The following FREM2 variants were observed in gnomAD, a reference collection of about 807,000 sequenced individuals.
FREM2 encodes FRAS1 related extracellular matrix 2.
In FREM2, 119 loss-of-function variants were observed where a neutral mutation model predicts 219.9. That is an observed-to-expected ratio of 0.54 (90% CI 0.47 to 0.63). The LOEUF (loss-of-function observed/expected upper bound fraction) is 0.63. FREM2 is among the 30% of genes least tolerant of loss of function. FREM2 has a pLI of 0.00. For synonymous variants in FREM2, 1,562 were observed against 1,522.8 expected, an observed-to-expected ratio of 1.03 and a Z score of -0.60; for missense variants, 4,030 against 3,993.6, an observed-to-expected ratio of 1.01 and a Z score of -0.25.
At position 38,764,382 on chromosome 13, in the gene FREM2, A is replaced by T. The variant is rs761546631; in HGVS notation, c.5342A>T (p.Asn1781Ile). The change falls in exon 3 of 24, where the codon AAT (asparagine) becomes ATT (isoleucine). Residue 1781 changes from asparagine (N) to isoleucine (I), a missense_variant. Physicochemically the swap from Asn to Ile is moderately radical, Grantham distance 149. Coordinates refer to ENST00000280481, the MANE Select transcript of FREM2 (RefSeq NM_207361.6). ...TTTGAAAAGGAATATTACCTGGTCA[A>T]TGAGGACTCCAAATTTCTAGATGTT... ...ISFEKEYYLV[N>I]EDSKFLDVVL... 1 of 1,604,832 alleles carries T rather than the reference A, an allele frequency of 6.2e-7. No homozygotes were observed. Among genetic ancestry groups the T allele is most frequent in the Non-Finnish European group, 8.5e-7 (1 of 1,171,936 alleles).
At chr13:38,772,550 C>T (rs755023404) in intron 4 of FREM2, among the ~76,000 whole-genome samples, 2 of 152,150 alleles carry the variant, frequency 1.3e-5, no homozygotes, top group Non-Finnish European at 2.9e-5. Flanking sequence ...ACATTATATA[C>T]GTTCTCTCAT....
At chr13:38,735,600 A>G (rs1349581730) in intron 2 of FREM2, among the ~76,000 whole-genome samples, 5 of 152,152 alleles carry the variant, frequency 3.3e-5, no homozygotes, top group Non-Finnish European at 4.4e-5. Flanking sequence ...CTTAAAAAAA[A>G]TGCATACTCA....
At chr13:38,814,364 A>T (rs183275891) in intron 6 of FREM2, among the ~76,000 whole-genome samples, 3 of 152,342 alleles carry the variant, frequency 2.0e-5, no homozygotes, top group Non-Finnish European at 4.4e-5. Flanking sequence ...ATTCAAAGGC[A>T]CTTGGGCCTC....
Position 38,687,739 on chromosome 13 carries a change from G to A in FREM2, c.395G>A (p.Gly132Asp). Reference sequence around the variant, plus strand: ...CCCAAGCGCTTCCCGTGCGACTTTGGCCCTGGCGAGGTGCGCTACTCTCAC... The same window carrying A: ...CCCAAGCGCTTCCCGTGCGACTTTGACCCTGGCGAGGTGCGCTACTCTCAC... ...LSPKRFPCDFGPGEVRYSHLG... is the reference protein window; with the variant it reads ...LSPKRFPCDFDPGEVRYSHLG... The change falls in exon 1 of 24, where the codon GGC becomes GAC. Residue 132 changes from glycine to aspartate, a missense_variant. Physicochemically the swap from Gly to Asp is moderately conservative, Grantham distance 94. Transcript: ENST00000280481. 1.9e-6 allele frequency: 3 copies of A among 1,545,210 alleles called. No individual in the cohort carries two copies. The highest frequency in any genetic ancestry group is 1.7e-6 in the Non-Finnish European group (2 of 1,143,174).
At chr13:38,710,501 G>A (rs1391769192) in intron 2 of FREM2, among the ~76,000 whole-genome samples, 1 of 152,112 alleles carries the variant, frequency 6.6e-6, no homozygotes, top group African/African-American at 2.4e-5. Context: ...TTAATCAATC[G>A]AGATGCATTT....
intron 4 of FREM2, among the ~76,000 whole-genome samples, chr13:38,773,797 T>C (rs929973531): frequency 1.3e-5 from 2 of 152,158 alleles, no homozygotes; most frequent in Non-Finnish European, 2.9e-5. Context: ...AACATTTAAC[T>C]CATTTTCTGG....
At position 38,689,867 on chromosome 13, in the gene FREM2, G is replaced by A. The variant is rs1869732039; in HGVS notation, c.2523G>A (p.Glu841=). The change falls in exon 1 of 24, where the codon GAG becomes GAA. Residue 841 remains glutamate, a synonymous_variant. Coordinates refer to ENST00000280481, the MANE Select transcript of FREM2 (RefSeq NM_207361.6). Reference sequence around the variant, plus strand: ...TCAACACCGGCTTCACTATTCAGGAGAAGGGTCACCACATCCTGAGTGAGA... The same window carrying A: ...TCAACACCGGCTTCACTATTCAGGAAAAGGGTCACCACATCCTGAGTGAGA... ...EILNTGFTIQ[E]KGHHILSETE... The A allele has an allele frequency of 6.2e-7, 1 of 1,614,038 alleles. No individual in the cohort carries two copies. The highest frequency in any genetic ancestry group is 1.1e-5 in the South Asian group (1 of 91,092).
intron 6 of FREM2, among the ~76,000 whole-genome samples, chr13:38,794,823 G>A (rs1320912970): frequency 6.6e-6 from 1 of 152,082 alleles, no homozygotes; most frequent in Non-Finnish European, 1.5e-5. Flanking sequence ...TCATTCATAT[G>A]CAATACTACA....
Position 38,850,147 on chromosome 13 carries a change from A to T in FREM2, c.6489A>T (p.Arg2163Ser). ...TGDVQYRSSV[R>S]CYTRQGSAQV... Reference sequence around the variant, plus strand: ...ATGTCCAGTACAGATCTTCAGTGAGATGCTACACCCGGCAGGGGTCTGCAC... The same window carrying T: ...ATGTCCAGTACAGATCTTCAGTGAGTTGCTACACCCGGCAGGGGTCTGCAC... The change falls in exon 9 of 24, where the codon AGA becomes AGT. Residue 2163 changes from arginine to serine, a missense_variant. Transcript: ENST00000280481. 2 of 1,614,052 alleles carry T rather than the reference A, an allele frequency of 1.2e-6. No homozygotes were observed. The highest frequency in any genetic ancestry group is 1.1e-5 in the South Asian group (1 of 91,086).
chr13:38,800,703 C>T (rs1874975704), intron 6 of FREM2, among the ~76,000 whole-genome samples: 1 of 152,186 alleles, frequency 6.6e-6, no homozygotes, highest in Non-Finnish European at 1.5e-5. Context: ...AATCTCAGCT[C>T]ACTGCAAACT....
At chr13:38,823,914 A>G (rs1254282490) in intron 6 of FREM2, among the ~76,000 whole-genome samples, 1 of 152,144 alleles carries the variant, frequency 6.6e-6, no homozygotes, top group East Asian at 1.9e-4. Flanking sequence ...GATTTGCAAT[A>G]TGCAATTGGG....
chr13:38,695,994 TG>T (rs1046832733), intron 1 of FREM2, among the ~76,000 whole-genome samples: 1 of 152,040 alleles, frequency 6.6e-6, no homozygotes, highest in Admixed American at 6.5e-5. Context: ...AGGCAGCAAG[TG>T]TGGAAAGTTA....
intron 16 of FREM2, among the ~76,000 whole-genome samples, chr13:38,865,750 G>T (rs1002814235): frequency 6.6e-6 from 1 of 152,186 alleles, no homozygotes. Context: ...TGCTAAAAAT[G>T]CCAATAGAAA....
chr13:38,837,775 G>GTTTTTTTTTTTTTTTTTTTTTTTTTTTT (rs1555270912), intron 6 of FREM2, among the ~76,000 whole-genome samples: 2 of 128,848 alleles, frequency 1.6e-5, no homozygotes, highest in Non-Finnish European at 3.4e-5. Flanking sequence ...GTTTTTTTTT[G>GTTTTTTTTTTTTTTTTTTTTTTTTTTTT]TTTTGTTTTG....
chr13:38,691,428 G>T lies in FREM2; in HGVS notation c.4084G>T (p.Glu1362Ter), dbSNP rs1869851025. 1.2e-6 allele frequency: 2 copies of T among 1,614,140 alleles called. No individual in the cohort carries two copies. Among genetic ancestry groups the T allele is most frequent in the African/African-American group, 2.7e-5 (2 of 75,036 alleles). Residue 1362 changes from glutamate to a stop codon, truncating the protein, a stop_gained, in exon 1 of 24, where the codon GAA becomes TAA. Transcript: ENST00000280481. LOFTEE classifies it high-confidence loss of function. Reference protein sequence around the residue: ...LQRRKPTGAFENITLGMNFTQ... With the variant: ...LQRRKPTGAF ...GAGACGAAAACCTACTGGTGCCTTT[G>T]AAAATATCACACTGGGCATGAATTT...
intron 3 of FREM2, among the ~76,000 whole-genome samples, chr13:38,767,771 T>C (rs1873499017): frequency 6.6e-6 from 1 of 152,214 alleles, no homozygotes; most frequent in African/African-American, 2.4e-5. Context: ...TTCAACAAGA[T>C]ATGCAGCCCT....
At chr13:38,765,874 C>T (rs959365319) in intron 3 of FREM2, among the ~76,000 whole-genome samples, 2 of 152,144 alleles carry the variant, frequency 1.3e-5, no homozygotes, top group African/African-American at 4.8e-5. Flanking sequence ...CTGTGCTTCT[C>T]ATGCTTTGTA....
chr13:38,763,071 C>T (rs1157591291), intron 2 of FREM2, among the ~76,000 whole-genome samples: 3 of 152,214 alleles, frequency 2.0e-5, no homozygotes, highest in South Asian at 2.1e-4. Context: ...ACAGAAGGAG[C>T]GACAAGATTG....
chr13:38,830,197 T>C lies in FREM2; in HGVS notation c.6020-16376T>C, dbSNP rs555777538. Among the ~76,000 whole-genome samples the C allele has an allele frequency of 5.9e-5, 9 of 152,182 alleles. No homozygotes were observed. In the East Asian group the frequency reaches 1.2e-3, roughly 20 times the overall value. On this transcript the variant is annotated intron_variant, in intron 6 of 23. Coordinates refer to ENST00000280481, the MANE Select transcript of FREM2 (RefSeq NM_207361.6). The stretch of plus-strand genomic sequence containing the variant: ...AGATAACAAACGAAAGTGAGGAAAA[T>C]GACTGTGTACCAGAAATCAGTTGGC...
Sources: gnomAD v4.1 joint callset for allele counts (sites outside exome capture counted in the v4.1 genomes callset) on GRCh38, gnomAD v4.1.1 for gene constraint, MANE v1.5 for transcripts, NCBI Gene and HGNC (gene_info 2026-07-23, HGNC 2026-07-21) for gene names.